OSBPL9: variants seen among roughly 807,000 people sequenced by gnomAD.
OSBPL9 encodes the protein oxysterol binding protein like 9, also known as oxysterol-binding protein-related protein 9.
OSBPL9 carries 40 observed loss-of-function variants against 106.6 expected under a neutral mutation model. That is an observed-to-expected ratio of 0.38 (90% CI 0.29 to 0.49). OSBPL9 has a LOEUF of 0.49. Among genes scored for constraint, OSBPL9 ranks in the 20% least tolerant of loss-of-function variants. The probability of loss-of-function intolerance (pLI) is 0.97; values close to 1 mark genes in which losing one functional copy is unlikely to be tolerated. For synonymous variants in OSBPL9, 269 were observed against 295.4 expected, an observed-to-expected ratio of 0.91 and a Z score of 0.92; for missense variants, 609 against 887.2, an observed-to-expected ratio of 0.69 and a Z score of 3.98.
At chr1:51,683,067 G>A (rs1652936619) in intron 3 of OSBPL9, among the ~76,000 whole-genome samples, 1 of 151,910 alleles carries the variant, frequency 6.6e-6, no homozygotes, top group Non-Finnish European at 1.5e-5. Context: ...AGTAGAGATG[G>A]GGTTTTGCCA....
chr1:51,676,439 CG>C, intron 3 of OSBPL9, among the ~76,000 whole-genome samples: 1 of 151,006 alleles, frequency 6.6e-6, no homozygotes, highest in East Asian at 1.9e-4. Flanking sequence ...CAAAAAAAAA[CG>C]GAATTAATAT....
chr1:51,745,556 TC>T lies in OSBPL9; in HGVS notation c.341del (p.Pro114LeufsTer20). The T allele has an allele frequency of 6.2e-7, 1 of 1,610,684 alleles. No individual in the cohort carries two copies. Among genetic ancestry groups the T allele is most frequent in the South Asian group, 1.1e-5 (1 of 90,144 alleles). Reference protein sequence around the residue: ...QLQGLDSGFVPSVQDFDKKLT... With the variant: ...QLQGLDSGFVXSVQDFDKKLT... ...TCTAGGGTTTGGATTCAGGATTTGTTCCTAGTGTCCAAGATTTTGATAAGAA... is the reference window on the plus strand; with the variant it reads ...TCTAGGGTTTGGATTCAGGATTTGTTCTAGTGTCCAAGATTTTGATAAGAA... On this transcript the variant is annotated frameshift_variant, in exon 5 of 24. Coordinates refer to ENST00000428468, the MANE Select transcript of OSBPL9 (RefSeq NM_024586.6). LOFTEE classifies it high-confidence loss of function.
chr1:51,753,108 G>A (rs1041518943), intron 8 of OSBPL9, among the ~76,000 whole-genome samples: 1 of 152,130 alleles, frequency 6.6e-6, no homozygotes, highest in Non-Finnish European at 1.5e-5. Flanking sequence ...CCTCTCTGAT[G>A]TGCTGTGATG....
At chr1:51,620,721 A>G (rs1644374664) in intron 1 of OSBPL9, among the ~76,000 whole-genome samples, 1 of 152,212 alleles carries the variant, frequency 6.6e-6, no homozygotes, top group African/African-American at 2.4e-5. Flanking sequence ...GAGGACAGAT[A>G]ATGAAAGGCT....
At chr1:51,650,216 A>C (rs1646429439) in intron 1 of OSBPL9, among the ~76,000 whole-genome samples, 1 of 152,176 alleles carries the variant, frequency 6.6e-6, no homozygotes, top group Non-Finnish European at 1.5e-5. Flanking sequence ...TAACCCTAAT[A>C]GTTGTATTAC....
At chr1:51,627,125 T>C (rs1644813175) in intron 1 of OSBPL9, among the ~76,000 whole-genome samples, 1 of 152,172 alleles carries the variant, frequency 6.6e-6, no homozygotes, top group African/African-American at 2.4e-5. Flanking sequence ...CACCTCAGCC[T>C]CCTGAGTAGC....
At chr1:51,669,273 G>T (rs1214929123) in intron 2 of OSBPL9, among the ~76,000 whole-genome samples, 161 bp from the exon 3 acceptor site, 1 of 152,126 alleles carries the variant, frequency 6.6e-6, no homozygotes, top group African/African-American at 2.4e-5. Flanking sequence ...CTCTCCTTTA[G>T]TTCTTTCTCC....
intron 1 of OSBPL9, 104 bp from the exon 2 acceptor site, chr1:51,651,887 A>G: frequency 1.2e-6 from 1 of 804,020 alleles, no homozygotes; most frequent in Non-Finnish European, 2.0e-6. Context: ...GGCAGAAGGG[A>G]TGGGTATTAC....
intron 1 of OSBPL9, among the ~76,000 whole-genome samples, chr1:51,628,473 C>T (rs890851708): frequency 2.6e-5 from 4 of 151,476 alleles, no homozygotes; most frequent in Admixed American, 2.0e-4. Context: ...AATTTCAATA[C>T]GTTGGGAGGC....
chr1:51,755,672 A>T (rs1243137048), intron 8 of OSBPL9, among the ~76,000 whole-genome samples: 2 of 152,210 alleles, frequency 1.3e-5, no homozygotes, highest in Non-Finnish European at 2.9e-5. Context: ...ACTGTAGGCT[A>T]ATGTAAGTGT....
the OSBPL9 span, among the ~76,000 whole-genome samples, chr1:51,562,474 AC>A: frequency 6.6e-6 from 1 of 152,124 alleles, no homozygotes; most frequent in African/African-American, 2.4e-5. Context: ...TTTATAAATT[AC>A]CCAGTCTCAG....
intron 3 of OSBPL9, among the ~76,000 whole-genome samples, chr1:51,696,966 C>T (rs1041506003): frequency 2.0e-5 from 3 of 151,886 alleles, no homozygotes; most frequent in African/African-American, 7.3e-5. Flanking sequence ...AGCTGAGCAA[C>T]ATAGCAAGAC....
chr1:51,535,003 C>T, the OSBPL9 span, among the ~76,000 whole-genome samples: 4 of 152,346 alleles, frequency 2.6e-5, no homozygotes, highest in African/African-American at 9.6e-5. Context: ...CCCTCTTACT[C>T]CTCAACCCCC....
chr1:51,769,234 T>G (rs1673310723), intron 12 of OSBPL9, among the ~76,000 whole-genome samples: 1 of 152,218 alleles, frequency 6.6e-6, no homozygotes, highest in East Asian at 1.9e-4. Flanking sequence ...TATTTTTTGT[T>G]TTTCTCTTTC....
intron 2 of OSBPL9, among the ~76,000 whole-genome samples, chr1:51,653,530 C>T (rs2148710451): frequency 6.6e-6 from 1 of 152,294 alleles, no homozygotes; most frequent in East Asian, 1.9e-4. Flanking sequence ...TCAGCTATAC[C>T]TGAAGCCTCT....
intron 15 of OSBPL9, among the ~76,000 whole-genome samples, chr1:51,780,939 TC>T (rs1676235519): frequency 6.6e-6 from 1 of 151,946 alleles, no homozygotes; most frequent in African/African-American, 2.4e-5. Flanking sequence ...CACCACCTGT[TC>T]CCCAAAAACC....
chr1:51,685,081 C>G (rs1653477514), intron 3 of OSBPL9, among the ~76,000 whole-genome samples: 1 of 152,064 alleles, frequency 6.6e-6, no homozygotes, highest in Admixed American at 6.5e-5. Flanking sequence ...TACCAGTACT[C>G]AATTTATTCC....
the OSBPL9 span, among the ~76,000 whole-genome samples, chr1:51,549,449 T>A: frequency 6.6e-6 from 1 of 152,256 alleles, no homozygotes; most frequent in Non-Finnish European, 1.5e-5. Context: ...ACCTGCTATG[T>A]TCCAGAGCCC....
intron 3 of OSBPL9, among the ~76,000 whole-genome samples, chr1:51,702,684 A>G (rs1447510581): frequency 6.6e-6 from 1 of 152,090 alleles, no homozygotes; most frequent in African/African-American, 2.4e-5. Flanking sequence ...TTTTGTTGCC[A>G]TTGCTTTTGG....
Sources: allele counts gnomAD v4.1 joint callset (sites outside exome capture counted in the v4.1 genomes callset), GRCh38; gene constraint gnomAD v4.1.1; transcripts MANE v1.5; gene names NCBI Gene and HGNC (gene_info 2026-07-23, HGNC 2026-07-21).